Variants in DGKG observed in about 807,000 individuals in gnomAD.
DGKG encodes the protein DAG kinase gamma.
DGKG carries 78 observed loss-of-function variants against 105.3 expected under a neutral mutation model. That is an observed-to-expected ratio of 0.74 (90% CI 0.62 to 0.89). The LOEUF (loss-of-function observed/expected upper bound fraction) is 0.89. Among genes scored for constraint, DGKG ranks in the 40% least tolerant of loss-of-function variants. The probability of loss-of-function intolerance (pLI) is 0.00; values close to 1 mark genes in which losing one functional copy is unlikely to be tolerated. For synonymous variants in DGKG, 346 were observed against 367.1 expected (o/e 0.94, Z 0.66); for missense variants, 958 against 1,020.1 (o/e 0.94, Z 0.83).
In DGKG at chr3:186,167,306, C is replaced by T. The variant is rs143147700; in HGVS notation, c.2096-2288G>A. 1.1e-4 allele frequency among the ~76,000 whole-genome samples: 17 copies of T among 152,270 alleles called. No individual in the cohort carries two copies. The East Asian group carries it at 1.3e-3, about 12-fold the overall frequency. ...TGCTCTTTTACTTCTCTACCATTGC[C>T]GAACTCATCTTTCCTTCTACTTCCT... is the stretch of plus-strand genomic sequence containing the variant. On this transcript the variant is annotated intron_variant, in intron 22 of 24. Transcript: ENST00000265022.
rs771686794 is a variant in DGKG, at chr3:186,253,066, G to T, written c.1600+27C>A. On this transcript the variant is annotated intron_variant, in intron 18 of 24. Transcript: ENST00000265022. ...TGTAAACAGGAACACCTGTTCCCAG[G>T]GTACCACCATTAGCATGCAAACTCA... 5 of 1,604,254 alleles carry T rather than the reference G, an allele frequency of 3.1e-6. No individual in the cohort carries two copies. The African/African-American group carries it at 5.4e-5, about 17-fold the overall frequency.
chr3:186,269,634 A>G (rs922223180), intron 11 of DGKG, among the ~76,000 whole-genome samples: 3 of 152,250 alleles, frequency 2.0e-5, no homozygotes, highest in Admixed American at 6.5e-5. Context: ...AGGGTGGGGC[A>G]CATGATTAAT....
intron 10 of DGKG, among the ~76,000 whole-genome samples, chr3:186,273,464 T>C (rs2108587395): frequency 7.4e-6 from 1 of 135,890 alleles, no homozygotes; most frequent in East Asian, 2.5e-4. Context: ...AACCTCCGAC[T>C]CCCTGGTTCA....
chr3:186,153,202 G>A (rs566236511), intron 24 of DGKG, among the ~76,000 whole-genome samples: 4 of 152,144 alleles, frequency 2.6e-5, no homozygotes, highest in Admixed American at 6.5e-5. Context: ...CTATAGAACC[G>A]AAAGAAGTAT....
intron 21 of DGKG, chr3:186,207,601 AT>A (rs1186657632): frequency 1.2e-5 from 5 of 423,324 alleles, no homozygotes; most frequent in Non-Finnish European, 1.6e-5. Context: ...ACTAACCCCT[AT>A]GCCCCCCATT....
intron 2 of DGKG, among the ~76,000 whole-genome samples, chr3:186,309,527 T>A (rs1216975611): frequency 6.6e-6 from 1 of 152,216 alleles, no homozygotes; most frequent in Non-Finnish European, 1.5e-5. Flanking sequence ...CACACATATA[T>A]GTTATTCCAC....
chr3:186,174,907 G>A (rs1317971514), intron 22 of DGKG, among the ~76,000 whole-genome samples: 3 of 152,190 alleles, frequency 2.0e-5, no homozygotes, highest in African/African-American at 7.2e-5. Flanking sequence ...AAGCATGTAA[G>A]TGGCCAGAGG....
At chr3:186,337,478 G>C (rs886303760) in intron 1 of DGKG, among the ~76,000 whole-genome samples, 4 of 152,222 alleles carry the variant, frequency 2.6e-5, no homozygotes, top group African/African-American at 9.6e-5. Context: ...TTAACTTCAT[G>C]ATGGCTATCC....
At chr3:186,336,173 C>T (rs997596567) in intron 1 of DGKG, among the ~76,000 whole-genome samples, 1 of 152,208 alleles carries the variant, frequency 6.6e-6, no homozygotes, top group Admixed American at 6.5e-5. Context: ...AGCAACTCTG[C>T]AGGACCATCT....
Position 186,361,650 on chromosome 3 carries a change from G to T in DGKG, c.-249+296C>A, listed in dbSNP as rs1052966466. On this transcript the variant is annotated intron_variant, in intron 1 of 24. Transcript: ENST00000265022. This position sits in a 1 kb window ranked among gnomAD's most constrained non-coding sequence, Gnocchi z 6.8. ...ATCCGACCAGTTGCTTTAGCAAACT[G>T]CCTGGAGCAAGGCCGCCTCCCACCC... Among the ~76,000 whole-genome samples, 2 of 152,240 alleles carry T rather than the reference G, an allele frequency of 1.3e-5. No individual in the cohort carries two copies. The highest frequency in any genetic ancestry group is 2.4e-5 in the African/African-American group (1 of 41,474).
chr3:186,267,832 C>A, intron 12 of DGKG, 55 bp from the exon 13 acceptor site: 1 of 1,544,684 alleles, frequency 6.5e-7, no homozygotes, highest in Non-Finnish European at 8.9e-7. Flanking sequence ...AAACATCAAA[C>A]ATGAAGGTGG....
intron 1 of DGKG, among the ~76,000 whole-genome samples, chr3:186,332,290 G>C (rs921306641): frequency 6.6e-6 from 1 of 152,204 alleles, no homozygotes; most frequent in African/African-American, 2.4e-5. Context: ...ATGGGACTTC[G>C]AAAGAAAACC....
chr3:186,319,556 C>G (rs1724983945), intron 2 of DGKG, among the ~76,000 whole-genome samples: 1 of 152,168 alleles, frequency 6.6e-6, no homozygotes, highest in African/African-American at 2.4e-5. Context: ...GGGACAAGGG[C>G]ATGGAGCAGG....
At chr3:186,250,743 T>C (rs965367380) in intron 19 of DGKG, among the ~76,000 whole-genome samples, 1 of 151,604 alleles carries the variant, frequency 6.6e-6, no homozygotes, top group East Asian at 1.9e-4. Context: ...AGAGATGGGG[T>C]TTCACCATGT....
At chr3:186,275,104 A>G (rs1722517194) in intron 10 of DGKG, among the ~76,000 whole-genome samples, 1 of 152,158 alleles carries the variant, frequency 6.6e-6, no homozygotes. Context: ...GTCTTAAACT[A>G]CAGGCCTCAA....
intron 22 of DGKG, among the ~76,000 whole-genome samples, chr3:186,179,821 G>A (rs1717272332): frequency 6.6e-6 from 1 of 152,176 alleles, no homozygotes; most frequent in South Asian, 2.1e-4. Context: ...ATTGGAGGCC[G>A]ACCTCCTGAG....
chr3:186,312,064 C>T (rs868067653), intron 2 of DGKG, among the ~76,000 whole-genome samples: 3 of 115,372 alleles, frequency 2.6e-5, no homozygotes, highest in South Asian at 5.9e-4. Flanking sequence ...TGCAGTGAGC[C>T]GAGATTGCGC....
chr3:186,212,179 G>C (rs546785293), intron 20 of DGKG, among the ~76,000 whole-genome samples: 1 of 152,316 alleles, frequency 6.6e-6, no homozygotes, highest in East Asian at 1.9e-4. Flanking sequence ...GCTGCATTAA[G>C]GAAAGAGCTC....
At chr3:186,350,257 C>A (rs760502489) in intron 1 of DGKG, among the ~76,000 whole-genome samples, 6 of 152,176 alleles carry the variant, frequency 3.9e-5, no homozygotes, top group Non-Finnish European at 7.3e-5. Flanking sequence ...ATCTTTCCCA[C>A]CACCACACCC....
Sources: gnomAD v4.1 joint callset for allele counts (sites outside exome capture counted in the v4.1 genomes callset) on GRCh38, gnomAD v4.1.1 for gene constraint, Gnocchi (gnomAD v3.1) non-coding constraint, MANE v1.5 for transcripts, NCBI Gene and HGNC (gene_info 2026-07-23, HGNC 2026-07-21) for gene names.